Variants in WWTR1 observed in about 807,000 individuals in gnomAD.
WWTR1 encodes the protein WW domain containing transcription regulator 1, also known as WW domain-containing transcription regulator protein 1.
In WWTR1, 13 loss-of-function variants were observed where a neutral mutation model predicts 40.1. The observed-to-expected ratio is 0.32, with a 90% confidence interval of 0.21 to 0.52. The LOEUF is 0.52. Ranked by LOEUF, WWTR1 falls within the 20% of genes least tolerant of loss-of-function variation. WWTR1 has a pLI of 0.97. For missense variants in WWTR1, 436 were observed against 523.1 expected, an observed-to-expected ratio of 0.83 and a Z score of 1.63; for synonymous variants, 230 against 210.1, an observed-to-expected ratio of 1.09 and a Z score of -0.82.
intron 2 of WWTR1, chr3:149,669,696 A>ACAATGATATC (rs1347871647): frequency 6.6e-6 from 1 of 152,204 alleles, no homozygotes; most frequent in African/African-American, 2.4e-5. Context: ...AAACTGGCCA[A>ACAATGATATC]CAATGATATC....
At chr3:149,527,395 C>A (rs1331265025) in intron 5 of WWTR1, among the ~76,000 whole-genome samples, 4 of 152,036 alleles carry the variant, frequency 2.6e-5, no homozygotes, top group Non-Finnish European at 5.9e-5. Flanking sequence ...GATCTGCCCA[C>A]CTCGGCCTCC....
At chr3:149,704,654 A>AAAAGACCT (rs1216952317), upstream of WWTR1, among the ~76,000 whole-genome samples, 1 of 152,212 alleles carries the variant, frequency 6.6e-6, no homozygotes, top group African/African-American at 2.4e-5. Flanking sequence ...AGACCAAGAA[A>AAAAGACCT]AAAGACCTAA....
intron 2 of WWTR1, 81 bp downstream of exon 2, chr3:149,656,783 TCTCTCTCTCACA>T: frequency 1.1e-6 from 1 of 892,380 alleles, no homozygotes; most frequent in South Asian, 2.4e-5. Flanking sequence ...TCTCTCTCTC[TCTCTCTCTCACA>T]CACACACACA....
At chr3:149,617,278 C>T (rs962742453) in intron 2 of WWTR1, among the ~76,000 whole-genome samples, 2 of 152,132 alleles carry the variant, frequency 1.3e-5, no homozygotes, top group African/African-American at 2.4e-5. Context: ...CACTCCAGGG[C>T]AATTGGATTG....
At chr3:149,527,177 G>A in intron 5 of WWTR1, among the ~76,000 whole-genome samples, 1 of 135,310 alleles carries the variant, frequency 7.4e-6, no homozygotes, top group African/African-American at 2.9e-5. Flanking sequence ...TTTTTGAGAT[G>A]GAGTTTCACT....
Position 149,517,675 on chromosome 3 carries a change from A to T in WWTR1, c.*3130T>A, listed in dbSNP as rs1734848543. The T allele has an allele frequency of 6.6e-6, 1 of 152,192 alleles. No individual in the cohort carries two copies. Among genetic ancestry groups the T allele is most frequent in the Admixed American group, 6.5e-5 (1 of 15,282 alleles). The allele number at this position is 152,192 out of a possible 1,614,324, so 9.4% of individuals were successfully genotyped here. ...AGCACAATAAAGTTTTCACTGTTTT[A>T]CCTGTTTCCTGTATATGGTGTAATC... On this transcript the variant is annotated 3_prime_UTR_variant, in exon 7 of 7. Transcript: ENST00000360632.
chr3:149,699,632 G>A (rs575773054), intron 1 of WWTR1, among the ~76,000 whole-genome samples: 1 of 152,118 alleles, frequency 6.6e-6, no homozygotes, highest in East Asian at 1.9e-4. Flanking sequence ...AGACCCCTAG[G>A]GCATGAACAC....
In WWTR1 at chr3:149,519,102, A is replaced by C. The variant is rs2107890285; in HGVS notation, c.*1703T>G. On this transcript the variant is annotated 3_prime_UTR_variant, in exon 7 of 7. Transcript: ENST00000360632. ...AAATTATTAAAGTCTTTCAAAAAAG[A>C]TTAAATTCATAGATTATAAATAATA... The C allele has an allele frequency of 6.6e-6, 1 of 152,294 alleles. No homozygotes were observed. The highest frequency in any genetic ancestry group is 3.4e-3 in the Middle Eastern group (1 of 294). 9.4% of individuals were successfully genotyped at this position (152,294 alleles called of 1,614,324 possible). A position where few individuals can be genotyped will look rare whatever the true frequency, so the allele number is the denominator to read the frequency against.
At chr3:149,660,326 A>G (rs1713514951), upstream of WWTR1, 1 of 152,232 alleles carries the variant, frequency 6.6e-6, no homozygotes, top group African/African-American at 2.4e-5. Context: ...AAAGGTGAGA[A>G]TCAGGGTTGG....
chr3:149,604,376 C>G (rs980839427), intron 2 of WWTR1, among the ~76,000 whole-genome samples: 1 of 152,202 alleles, frequency 6.6e-6, no homozygotes, highest in African/African-American at 2.4e-5. Context: ...GCTTCCATCT[C>G]TACTCATCAT....
intron 3 of WWTR1, among the ~76,000 whole-genome samples, chr3:149,544,531 A>G (rs908664515): frequency 2.0e-4 from 31 of 152,334 alleles, no homozygotes; most frequent in African/African-American, 7.5e-4. Context: ...GTTAGGCTAC[A>G]TAAGGAACCT....
intron 2 of WWTR1, among the ~76,000 whole-genome samples, chr3:149,614,540 A>T (rs1270733842): frequency 1.3e-5 from 2 of 152,188 alleles, no homozygotes; most frequent in African/African-American, 2.4e-5. Flanking sequence ...GTACTTTTCA[A>T]AGGCAATAGC....
chr3:149,710,295 G>A (rs1393473277), intron 5 of WWTR1, among the ~76,000 whole-genome samples: 1 of 152,150 alleles, frequency 6.6e-6, no homozygotes, highest in Non-Finnish European at 1.5e-5. Flanking sequence ...ACAAGACTTG[G>A]AGAAGGGCTT....
At chr3:149,624,791 C>T (rs1740469229) in intron 2 of WWTR1, among the ~76,000 whole-genome samples, 1 of 152,024 alleles carries the variant, frequency 6.6e-6, no homozygotes, top group Admixed American at 6.6e-5. Context: ...TCTCCACCTC[C>T]CAGGTTCAAG....
At chr3:149,595,668 T>G (rs1368640063) in intron 2 of WWTR1, among the ~76,000 whole-genome samples, 2 of 152,166 alleles carry the variant, frequency 1.3e-5, no homozygotes, top group Non-Finnish European at 2.9e-5. Flanking sequence ...TCCTTCCTAC[T>G]TGGTTCAAGT....
chr3:149,654,128 T>TAA (rs11394888), intron 2 of WWTR1, among the ~76,000 whole-genome samples: 36 of 148,740 alleles, frequency 2.4e-4, no homozygotes, highest in Middle Eastern at 3.4e-3. Context: ...ATAAAAAAAT[T>TAA]AAAAAAAAAA....
intron 5 of WWTR1, among the ~76,000 whole-genome samples, chr3:149,711,361 A>T (rs939032777): frequency 3.9e-5 from 6 of 152,336 alleles, no homozygotes; most frequent in Non-Finnish European, 5.9e-5. Context: ...TTGATATAAT[A>T]GTCAAAAGTA....
At chr3:149,660,590 G>A (rs1208639757), upstream of WWTR1, among the ~76,000 whole-genome samples, 3 of 152,202 alleles carry the variant, frequency 2.0e-5, no homozygotes, top group African/African-American at 7.2e-5. Context: ...AACATTTACA[G>A]ATGTCTTGTA....
At chr3:149,628,870 C>T (rs980489465) in intron 2 of WWTR1, among the ~76,000 whole-genome samples, 5 of 151,784 alleles carry the variant, frequency 3.3e-5, no homozygotes, top group Admixed American at 1.3e-4. Flanking sequence ...ACCTCCCAGG[C>T]TCATGTGATC....
Sources: allele counts gnomAD v4.1 joint callset (sites outside exome capture counted in the v4.1 genomes callset), GRCh38; gene constraint gnomAD v4.1.1; transcripts MANE v1.5; gene names NCBI Gene and HGNC (gene_info 2026-07-23, HGNC 2026-07-21).